GRID2: variants seen among roughly 807,000 people sequenced by gnomAD.
The protein encoded by GRID2 is glutamate ionotropic receptor delta type subunit 2.
In GRID2, 33 loss-of-function variants were observed where a neutral mutation model predicts 114.8. That is an observed-to-expected ratio of 0.29 (90% CI 0.22 to 0.38). GRID2 has a LOEUF of 0.38. Ranked by LOEUF, GRID2 falls within the 10% of genes least tolerant of loss-of-function variation. The pLI is 1.00. For synonymous variants in GRID2, 505 were observed against 449.9 expected, an observed-to-expected ratio of 1.12 and a Z score of -1.55; for missense variants, 1,184 against 1,257.7, an observed-to-expected ratio of 0.94 and a Z score of 0.89.
intron 2 of GRID2, among the ~76,000 whole-genome samples, chr4:92,790,296 A>AT (rs1739520214): frequency 6.6e-6 from 1 of 151,782 alleles, no homozygotes; most frequent in Admixed American, 6.6e-5. Context: ...ACCTTAGGTC[A>AT]TTTTTTAAAA....
rs1008311457 is a variant in GRID2 at position 93,128,027 on chromosome 4, CAAAAAAAAAAAAAAA to C, written c.735+17092_735+17106del. On this transcript the variant is annotated intron_variant, in intron 4 of 15. Coordinates refer to ENST00000282020, the MANE Select transcript of GRID2 (RefSeq NM_001510.4). ...CAGAGTAAGACCTTGTCCCCCGCAA[CAAAAAAAAAAAAAAA>C]AAAAAAAAAAAAAAAAACAACAGTA... Among the ~76,000 whole-genome samples the C allele has an allele frequency of 4.4e-4, 9 of 20,340 alleles. No individual in the cohort carries two copies. The East Asian group carries it at 6.8e-3, about 15-fold the overall frequency. The allele number at this position is 20,340 out of a possible 152,430, so 13.3% of individuals were successfully genotyped here.
chr4:93,275,858 G>A (rs922339247), intron 8 of GRID2, among the ~76,000 whole-genome samples: 4 of 151,650 alleles, frequency 2.6e-5, no homozygotes, highest in African/African-American at 9.7e-5. Flanking sequence ...TATATAAATT[G>A]GATATAAATC....
intron 13 of GRID2, among the ~76,000 whole-genome samples, chr4:93,571,324 G>T (rs1441158241): frequency 1.3e-5 from 2 of 152,042 alleles, no homozygotes; most frequent in South Asian, 4.1e-4. Flanking sequence ...TTCCCCAGAA[G>T]TATGTGGAAG....
chr4:93,585,220 C>G (rs942323795), intron 13 of GRID2, among the ~76,000 whole-genome samples: 4 of 152,074 alleles, frequency 2.6e-5, no homozygotes, highest in African/African-American at 9.7e-5. Context: ...GTTTCACCTC[C>G]TGTTACGATT....
Position 93,307,159 on chromosome 4 carries a change from G to A in GRID2, c.1245+68669G>A, listed in dbSNP as rs144552595. The stretch of plus-strand genomic sequence containing the variant: ...GGATGTTGCAGTGAGCCGAGATAGC[G>A]CCACTACACTCCAGCCTGGGCTACA... On this transcript the variant is annotated intron_variant, in intron 8 of 15. Transcript: ENST00000282020. Among the ~76,000 whole-genome samples, 76 of 150,224 alleles carry A rather than the reference G, an allele frequency of 5.1e-4. No homozygotes were observed. The East Asian group carries it at 0.013, about 26-fold the overall frequency.
chr4:93,663,470 C>T (rs1723678212), intron 14 of GRID2, among the ~76,000 whole-genome samples: 1 of 152,218 alleles, frequency 6.6e-6, no homozygotes. Context: ...CCCCACAGTA[C>T]TCACTGTGTG....
intron 7 of GRID2, among the ~76,000 whole-genome samples, chr4:93,226,519 G>T (rs1036155689): frequency 1.3e-5 from 2 of 152,114 alleles, no homozygotes; most frequent in African/African-American, 4.8e-5. Context: ...TTCTGGATAC[G>T]CTGAGACAGG....
intron 2 of GRID2, among the ~76,000 whole-genome samples, chr4:92,809,981 T>C (rs1006004669): frequency 2.6e-5 from 4 of 152,052 alleles, no homozygotes; most frequent in East Asian, 1.9e-4. Flanking sequence ...TTTGAAAATA[T>C]AGTATTTCAT....
intron 2 of GRID2, among the ~76,000 whole-genome samples, chr4:93,029,325 C>A (rs1724172529): frequency 6.6e-6 from 1 of 151,978 alleles, no homozygotes; most frequent in Non-Finnish European, 1.5e-5. Flanking sequence ...AAATATATTT[C>A]TTTACCAACA....
chr4:93,092,240 T>C (rs915817783), intron 3 of GRID2, among the ~76,000 whole-genome samples: 5 of 152,126 alleles, frequency 3.3e-5, no homozygotes, highest in African/African-American at 1.2e-4. Context: ...TGCATACATT[T>C]GTCAGGCTGA....
intron 8 of GRID2, among the ~76,000 whole-genome samples, chr4:93,262,845 T>C (rs971822389): frequency 6.6e-5 from 10 of 152,074 alleles, no homozygotes; most frequent in African/African-American, 2.4e-4. Flanking sequence ...ATGAAATCGC[T>C]ATACTAAAGT....
chr4:93,782,776 T>A (rs961572117), intron 1 of GRID2, among the ~76,000 whole-genome samples: 5 of 152,112 alleles, frequency 3.3e-5, no homozygotes, highest in Admixed American at 2.6e-4. Flanking sequence ...GCAATACGGG[T>A]TTTTATAAAT....
At chr4:93,273,406 C>A (rs1265398364) in intron 8 of GRID2, among the ~76,000 whole-genome samples, 3 of 152,018 alleles carry the variant, frequency 2.0e-5, no homozygotes, top group African/African-American at 7.2e-5. Flanking sequence ...AGAGAATACC[C>A]TCCCCTCATT....
At chr4:92,805,955 C>A (rs575390097) in intron 2 of GRID2, among the ~76,000 whole-genome samples, 2 of 151,882 alleles carry the variant, frequency 1.3e-5, no homozygotes, top group East Asian at 1.9e-4. Context: ...CCTACTATCA[C>A]CTTCCTGGCA....
At chr4:92,769,958 T>C (rs1458873369) in intron 2 of GRID2, among the ~76,000 whole-genome samples, 1 of 152,206 alleles carries the variant, frequency 6.6e-6, no homozygotes, top group African/African-American at 2.4e-5. Flanking sequence ...TATGCAAATT[T>C]CTGCAGCTGG....
At chr4:92,818,234 C>T (rs967781998) in intron 2 of GRID2, among the ~76,000 whole-genome samples, 4 of 152,084 alleles carry the variant, frequency 2.6e-5, no homozygotes, top group Non-Finnish European at 4.4e-5. Context: ...AAAATCATAA[C>T]CTCTTGCCCA....
intron 2 of GRID2, among the ~76,000 whole-genome samples, chr4:92,695,408 C>T (rs17019784): frequency 0.076 from 11,434 of 151,252 alleles, 463 homozygotes; most frequent in East Asian, 0.089. Context: ...ACAATGATAC[C>T]GTAAACCGTA....
intron 1 of GRID2, among the ~76,000 whole-genome samples, chr4:92,386,717 G>A (rs1056198288): frequency 6.6e-6 from 1 of 151,630 alleles, no homozygotes; most frequent in Non-Finnish European, 1.5e-5. Context: ...TTATTCATAA[G>A]ACAATATGGA....
intron 1 of GRID2, among the ~76,000 whole-genome samples, chr4:92,324,858 T>C (rs1448845497): frequency 6.6e-6 from 1 of 151,990 alleles, no homozygotes; most frequent in Non-Finnish European, 1.5e-5. Context: ...TAATTTTTCA[T>C]AGTTTTCACA....
Sources: gnomAD v4.1 joint callset for allele counts (sites outside exome capture counted in the v4.1 genomes callset) on GRCh38, gnomAD v4.1.1 for gene constraint, MANE v1.5 for transcripts, NCBI Gene and HGNC (gene_info 2026-07-23, HGNC 2026-07-21) for gene names.